The following DLGAP2 variants were observed in gnomAD, a reference collection of about 807,000 sequenced individuals.
The protein encoded by DLGAP2 is DLG associated protein 2, also known as disks large-associated protein 2.
In DLGAP2, 26 loss-of-function variants were observed where a neutral mutation model predicts 100.3. That is an observed-to-expected ratio of 0.26 (90% confidence interval 0.19 to 0.36). The LOEUF (loss-of-function observed/expected upper bound fraction) is 0.36. Among genes scored for constraint, DLGAP2 ranks in the 10% least tolerant of loss-of-function variants. DLGAP2 has a pLI of 1.00. For missense variants in DLGAP2, 1,858 were observed against 1,453.2 expected, an observed-to-expected ratio of 1.28 and a Z score of -4.53; for synonymous variants, 886 against 630.1, an observed-to-expected ratio of 1.41 and a Z score of -6.08.
intron 1 of DLGAP2, among the ~76,000 whole-genome samples, chr8:798,766 G>A (rs1796087921): frequency 6.9e-6 from 1 of 145,464 alleles, no homozygotes; most frequent in South Asian, 2.2e-4. Context: ...AACGCTTGTT[G>A]AGTCAGGACC....
intron 2 of DLGAP2, among the ~76,000 whole-genome samples, chr8:1,199,268 T>C (rs1404254269): frequency 6.6e-6 from 1 of 152,236 alleles, no homozygotes; most frequent in East Asian, 1.9e-4. Context: ...CGTTGAAGAC[T>C]CTGCTTCACT....
chr8:1,199,849 C>G (rs182036083), intron 2 of DLGAP2, among the ~76,000 whole-genome samples: 2 of 152,262 alleles, frequency 1.3e-5, no homozygotes, highest in African/African-American at 2.4e-5. Context: ...CTTAGAAACA[C>G]TGGAATCATC....
Position 1,565,859 on chromosome 8 carries a change from G to A in DLGAP2, c.1407G>A (p.Lys469=), listed in dbSNP as rs1400249603. The A allele has an allele frequency of 6.2e-7, 1 of 1,611,892 alleles. No individual in the cohort carries two copies. Among genetic ancestry groups the A allele is most frequent in the Non-Finnish European group, 8.5e-7 (1 of 1,178,928 alleles). ...KSAILPEPLL[K]SIGQRPLGEH... is the part of the protein sequence containing the mutation. The stretch of plus-strand genomic sequence containing the variant: ...CAATCCTACCAGAGCCGCTGCTGAA[G>A]TCCATCGGACAGAGACCGCTTGGAG... The change falls in exon 6 of 15, where the codon AAG becomes AAA. Residue 469 remains lysine (K), a synonymous_variant. Coordinates refer to ENST00000637795, the MANE Select transcript of DLGAP2 (RefSeq NM_001346810.2).
intron 3 of DLGAP2, among the ~76,000 whole-genome samples, chr8:1,474,116 AG>A (rs1392813957): frequency 6.6e-6 from 1 of 152,124 alleles, no homozygotes; most frequent in Non-Finnish European, 1.5e-5. Flanking sequence ...CCCTCTTACA[AG>A]CAAGAACATT....
At chr8:1,615,914 AT>A (rs34850496) in intron 6 of DLGAP2, among the ~76,000 whole-genome samples, 27,601 of 132,126 alleles carry the variant, frequency 0.21, 3,029 homozygotes, top group East Asian at 0.42. Context: ...TATGAATGAT[AT>A]AAAAATGTTA....
At chr8:1,274,317 A>G (rs943093902) in intron 3 of DLGAP2, among the ~76,000 whole-genome samples, 4 of 152,200 alleles carry the variant, frequency 2.6e-5, no homozygotes, top group Non-Finnish European at 5.9e-5. Flanking sequence ...GTGCCCCCAC[A>G]CAGACTCTCA....
intron 1 of DLGAP2, among the ~76,000 whole-genome samples, chr8:771,756 T>C (rs1186798313): frequency 6.6e-6 from 1 of 152,238 alleles, no homozygotes; most frequent in Non-Finnish European, 1.5e-5. Flanking sequence ...AATGACTTTG[T>C]TTAAAAAGTT....
At chr8:1,207,281 G>A (rs113880696) in intron 2 of DLGAP2, among the ~76,000 whole-genome samples, 1,651 of 152,166 alleles carry the variant, frequency 0.011, 34 homozygotes, top group African/African-American at 0.037. Flanking sequence ...TTCTTACGCC[G>A]TTGCATCCAC....
At chr8:752,830 G>A (rs377056472) in intron 1 of DLGAP2, among the ~76,000 whole-genome samples, 2 of 151,978 alleles carry the variant, frequency 1.3e-5, no homozygotes, top group Middle Eastern at 3.2e-3. Context: ...ACTGCACGTC[G>A]GGCTCAGAGC....
chr8:1,377,696 C>G (rs62484189), intron 3 of DLGAP2, among the ~76,000 whole-genome samples: 2 of 152,184 alleles, frequency 1.3e-5, no homozygotes, highest in Admixed American at 1.3e-4. Context: ...GTCAGTGGAT[C>G]TGAGTGCAGC....
chr8:1,697,541 T>C (rs1216203347), intron 14 of DLGAP2, among the ~76,000 whole-genome samples: 1 of 152,258 alleles, frequency 6.6e-6, no homozygotes, highest in African/African-American at 2.4e-5. Context: ...GGGTCTCCCC[T>C]GCTCTGTCTC....
intron 1 of DLGAP2, among the ~76,000 whole-genome samples, chr8:862,100 G>A (rs566101530): frequency 6.6e-6 from 1 of 152,070 alleles, no homozygotes; most frequent in Admixed American, 6.5e-5. Context: ...TCATTTCTTG[G>A]TTTCATGAGT....
chr8:1,231,587 C>T (rs1032444660), intron 2 of DLGAP2, among the ~76,000 whole-genome samples: 2 of 152,192 alleles, frequency 1.3e-5, no homozygotes, highest in Non-Finnish European at 2.9e-5. Context: ...TCAGCCTAGG[C>T]ATGCAACACA....
chr8:1,570,271 G>C (rs889107400), intron 6 of DLGAP2, among the ~76,000 whole-genome samples: 15 of 152,314 alleles, frequency 9.8e-5, no homozygotes, highest in East Asian at 3.9e-4. Flanking sequence ...GGAACGACTT[G>C]GGTTTCACCC....
At position 1,694,268 on chromosome 8, in the gene DLGAP2, G is replaced by C. The variant is rs1405137796; in HGVS notation, c.2796+2642G>C. On this transcript the variant is annotated intron_variant, in intron 13 of 14. Transcript: ENST00000637795. ...CTGAGACAGGCCTGGCAGGAGAGGA[G>C]TGTTGACTTGTTAAGAGATGCTTCG... is the stretch of plus-strand genomic sequence containing the variant. Among the ~76,000 whole-genome samples the C allele has an allele frequency of 2.6e-5, 4 of 152,316 alleles. No individual in the cohort carries two copies. In the East Asian group the frequency reaches 7.7e-4, roughly 29 times the overall value.
intron 2 of DLGAP2, among the ~76,000 whole-genome samples, chr8:934,701 A>C (rs927614894): frequency 2.6e-5 from 4 of 152,032 alleles, no homozygotes; most frequent in African/African-American, 7.2e-5. Context: ...GCTCATGCTC[A>C]TGAGCTCAGG....
At position 1,097,158 on chromosome 8, in the gene DLGAP2, C is replaced by G. The variant is rs192456798; in HGVS notation, c.74-161693C>G. Among the ~76,000 whole-genome samples, 117 of 135,498 alleles carry G rather than the reference C, an allele frequency of 8.6e-4. 12 individuals are homozygous for G. Among genetic ancestry groups the G allele is most frequent in the African/African-American group, 3.4e-3 (114 of 33,892 alleles). The allele number at this position is 135,498 out of a possible 152,430, so 88.9% of individuals were successfully genotyped here. On this transcript the variant is annotated intron_variant, in intron 2 of 14. Coordinates refer to ENST00000637795, the MANE Select transcript of DLGAP2 (RefSeq NM_001346810.2). The stretch of plus-strand genomic sequence containing the variant: ...CCTCTGTGGCATGCAGAGGTCCCCT[C>G]CAGCGTGAGACCCAGCTCCCTCTGC...
chr8:737,692 G>C lies in DLGAP2; in HGVS notation c.-116G>C, dbSNP rs1410987661. ...GCGGCGCCTGCGGCGGCGAACGGACGGACGGACCGCGGACGGACGTACTGA... is the reference window on the plus strand; with the variant it reads ...GCGGCGCCTGCGGCGGCGAACGGACCGACGGACCGCGGACGGACGTACTGA... On this transcript the variant is annotated 5_prime_UTR_variant, in exon 1 of 15. Coordinates refer to ENST00000637795, the MANE Select transcript of DLGAP2 (RefSeq NM_001346810.2). 5.4e-6 allele frequency: 2 copies of C among 367,852 alleles called. No individual in the cohort carries two copies. The highest frequency in any genetic ancestry group is 2.1e-5 in the African/African-American group (1 of 47,136). The allele number at this position is 367,852 out of a possible 1,614,324, so 22.8% of individuals were successfully genotyped here.
intron 3 of DLGAP2, among the ~76,000 whole-genome samples, chr8:1,392,127 C>G (rs1441708950): frequency 1.3e-5 from 2 of 152,234 alleles, no homozygotes; most frequent in East Asian, 1.9e-4. Flanking sequence ...TTATCTACAT[C>G]TCTAATTTTT....
Sources: allele counts gnomAD v4.1 joint callset (sites outside exome capture counted in the v4.1 genomes callset), GRCh38; gene constraint gnomAD v4.1.1; transcripts MANE v1.5; gene names NCBI Gene and HGNC (gene_info 2026-07-23, HGNC 2026-07-21).